LRRK2: variants seen among roughly 807,000 people sequenced by gnomAD.
LRRK2 encodes leucine rich repeat kinase 2, also known as leucine-rich repeat serine/threonine-protein kinase 2.
A neutral mutation model predicts 302.6 loss-of-function variants in LRRK2; 203 were observed. That is an observed-to-expected ratio of 0.67 (90% CI 0.60 to 0.75). The LOEUF (loss-of-function observed/expected upper bound fraction) is 0.75, where lower values mean the gene tolerates loss of function less well. Among genes scored for constraint, LRRK2 ranks in the 30% least tolerant of loss-of-function variants. The probability of loss-of-function intolerance (pLI) is 0.00; values close to 1 mark genes in which losing one functional copy is unlikely to be tolerated. For synonymous variants in LRRK2, 1,066 were observed against 1,031.9 expected (o/e 1.03, Z -0.63); for missense variants, 2,830 against 2,951.0 (o/e 0.96, Z 0.95).
rs963545887 is a variant in LRRK2 at position 40,321,072 on chromosome 12, G to A, written c.5054G>A (p.Cys1685Tyr). The A allele has an allele frequency of 5.0e-6, 8 of 1,612,872 alleles. No homozygotes were observed. The highest frequency in any genetic ancestry group is 6.8e-6 in the Non-Finnish European group (8 of 1,179,056). Residue 1685 changes from cysteine (C) to tyrosine (Y), a missense_variant, in exon 35 of 51, where the codon TGT becomes TAT. By Grantham distance (194) the Cys-to-Tyr change is radical. This residue lies in a region of LRRK2 where 2,121 missense variants were observed against 2,148.0 expected (regional missense o/e 0.99). Transcript: ENST00000298910. Reference protein sequence around the residue: ...DHRPVIELPHCENSEIIIRLY... With the variant: ...DHRPVIELPHYENSEIIIRLY... ...AGGCCTGTGATAGAGCTTCCCCATTGTGAGAACTCTGAAATTATCATCCGA... is the reference window on the plus strand; with the variant it reads ...AGGCCTGTGATAGAGCTTCCCCATTATGAGAACTCTGAAATTATCATCCGA...
intron 10 of LRRK2, 43 bp downstream of exon 10, chr12:40,251,587 T>C: frequency 6.8e-7 from 1 of 1,473,594 alleles, no homozygotes; most frequent in South Asian, 1.2e-5. Flanking sequence ...TTCAGTTATA[T>C]TTTAAATCAA....
intron 18 of LRRK2, among the ~76,000 whole-genome samples, chr12:40,282,171 C>T (rs1943739914): frequency 7.4e-6 from 1 of 134,848 alleles, no homozygotes. Flanking sequence ...CCTTCCCCTT[C>T]CTCTTCCCCT....
chr12:40,225,764 A>G, intron 2 of LRRK2, 124 bp downstream of exon 2: 1 of 781,534 alleles, frequency 1.3e-6, no homozygotes, highest in Middle Eastern at 2.2e-4. Context: ...GGAACCTCTG[A>G]CTGTGATTTT....
chr12:40,225,160 A>G lies in LRRK2; in HGVS notation c.29A>G (p.Glu10Gly). MASGSCQGC[E>G]EDEETLKKLI... ...GCTAGTGGCAGCTGTCAGGGGTGCGAAGAGGACGAGGAAACTCTGAAGAAG... is the reference window on the plus strand; with the variant it reads ...GCTAGTGGCAGCTGTCAGGGGTGCGGAGAGGACGAGGAAACTCTGAAGAAG... Residue 10 changes from glutamate (E) to glycine (G), a missense_variant, in exon 1 of 51, where the codon GAA becomes GGA. This residue lies in a region of LRRK2 where 2,121 missense variants were observed against 2,148.0 expected (regional missense o/e 0.99). Transcript: ENST00000298910. The G allele has an allele frequency of 6.2e-7, 1 of 1,614,072 alleles. No homozygotes were observed. Among genetic ancestry groups the G allele is most frequent in the Non-Finnish European group, 8.5e-7 (1 of 1,180,014 alleles).
Position 40,274,470 on chromosome 12 carries a change from A to G in LRRK2, c.1657-113A>G. On this transcript the variant is annotated intron_variant, in intron 14 of 50. Transcript: ENST00000298910. ...AATGTTATAGAAAACAAAATCAAGG[A>G]TACTGATTTATATTTGGATTACTTG... is the stretch of plus-strand genomic sequence containing the variant. 6 of 1,091,076 alleles carry G rather than the reference A, an allele frequency of 5.5e-6. No homozygotes were observed. The East Asian group carries it at 1.4e-4, about 26-fold the overall frequency. The allele number at this position is 1,091,076 out of a possible 1,614,324, so 67.6% of individuals were successfully genotyped here. A position where few individuals can be genotyped will look rare whatever the true frequency, so the allele number is the denominator to read the frequency against.
chr12:40,287,850 A>G (rs959567275), intron 20 of LRRK2, among the ~76,000 whole-genome samples: 1 of 151,848 alleles, frequency 6.6e-6, no homozygotes, highest in Non-Finnish European at 1.5e-5. Flanking sequence ...AAGCCCCTTA[A>G]CCTTGTTAAA....
At chr12:40,232,457 A>G in intron 3 of LRRK2, 74 bp downstream of exon 3, 3 of 1,068,890 alleles carry the variant, frequency 2.8e-6, no homozygotes, top group Non-Finnish European at 4.4e-6. Flanking sequence ...CCCTTGATAC[A>G]CTGTGTTTGC....
chr12:40,312,263 A>T (rs1262026051), intron 31 of LRRK2, among the ~76,000 whole-genome samples: 1 of 152,190 alleles, frequency 6.6e-6, no homozygotes, highest in Non-Finnish European at 1.5e-5. Flanking sequence ...ACAAGGAAAT[A>T]AAACAAATGC....
At chr12:40,333,697 A>C (rs2136933306) in intron 39 of LRRK2, among the ~76,000 whole-genome samples, 1 of 147,402 alleles carries the variant, frequency 6.8e-6, no homozygotes, top group South Asian at 2.3e-4. Context: ...AATTGCAGAG[A>C]GATTGTTGCA....
chr12:40,326,465 C>CAAAAAAAAAAAG (rs1376046761), intron 38 of LRRK2, among the ~76,000 whole-genome samples: 3 of 60,658 alleles, frequency 4.9e-5, no homozygotes, highest in Non-Finnish European at 6.5e-5. Context: ...GACTCTGTCT[C>CAAAAAAAAAAAG]AAAAAAAAAA....
At chr12:40,365,143 T>C in intron 49 of LRRK2, 93 bp downstream of exon 49, 1 of 1,177,164 alleles carries the variant, frequency 8.5e-7, no homozygotes, top group Non-Finnish European at 1.2e-6. Flanking sequence ...AACTTTCCAG[T>C]GTCATATGGA....
At chr12:40,292,830 T>C (rs1369861789) in intron 20 of LRRK2, among the ~76,000 whole-genome samples, 1 of 152,004 alleles carries the variant, frequency 6.6e-6, no homozygotes, top group Non-Finnish European at 1.5e-5. Flanking sequence ...TTTATTGATC[T>C]TTGTTTTCTT....
At chr12:40,301,166 T>C (rs981953488) in intron 25 of LRRK2, 1 of 454,658 alleles carries the variant, frequency 2.2e-6, no homozygotes, top group Admixed American at 2.4e-5. Context: ...GAAGTGGTCT[T>C]ACATTTGAGA....
intron 19 of LRRK2, among the ~76,000 whole-genome samples, chr12:40,285,155 C>A (rs1214604518): frequency 6.6e-6 from 1 of 152,114 alleles, no homozygotes; most frequent in Non-Finnish European, 1.5e-5. Context: ...CTTCACCTGG[C>A]TGTCTCTTCA....
At chr12:40,330,330 A>C (rs1275795070) in intron 39 of LRRK2, among the ~76,000 whole-genome samples, 1 of 152,170 alleles carries the variant, frequency 6.6e-6, no homozygotes, top group Non-Finnish European at 1.5e-5. Context: ...AATTTTCTTC[A>C]AAATTTGAAG....
chr12:40,310,839 G>C (rs1278038624), intron 31 of LRRK2, among the ~76,000 whole-genome samples, 190 bp downstream of exon 31: 2 of 151,860 alleles, frequency 1.3e-5, no homozygotes, highest in African/African-American at 4.8e-5. Flanking sequence ...CATAGAAATG[G>C]GAACAAAAAA....
At chr12:40,249,750 G>T in intron 7 of LRRK2, 76 bp from the exon 8 acceptor site, 2 of 1,488,022 alleles carry the variant, frequency 1.3e-6, no homozygotes, top group Non-Finnish European at 1.9e-6. Flanking sequence ...AATTATTGAT[G>T]TAAATAGTGT....
rs757606705 is a variant in LRRK2 at position 40,308,606 on chromosome 12, G to T, written c.4099G>T (p.Ala1367Ser). The T allele has an allele frequency of 6.2e-7, 1 of 1,613,910 alleles. No individual in the cohort carries two copies. Among genetic ancestry groups the T allele is most frequent in the Non-Finnish European group, 8.5e-7 (1 of 1,179,968 alleles). Reference sequence around the variant, plus strand: ...GAAATCAGATCTTGGAATGCAAAGTGCCACAGTTGGCATAGATGTGAAAGA... The same window carrying T: ...GAAATCAGATCTTGGAATGCAAAGTTCCACAGTTGGCATAGATGTGAAAGA... Reference protein sequence around the residue: ...TKKSDLGMQSATVGIDVKDWP... With the variant: ...TKKSDLGMQSSTVGIDVKDWP... Residue 1367 changes from alanine to serine, a missense_variant, in exon 29 of 51, where the codon GCC (alanine) becomes TCC (serine). Around this residue, in one of 3 missense-constraint regions of LRRK2, gnomAD observed 2,121 missense variants for 2,148.0 expected, o/e 0.99. Transcript: ENST00000298910.
At chr12:40,307,544 T>C (rs1463883606) in intron 28 of LRRK2, among the ~76,000 whole-genome samples, 2 of 151,964 alleles carry the variant, frequency 1.3e-5, no homozygotes, top group Admixed American at 1.3e-4. Flanking sequence ...TTTATGATGT[T>C]ATGTGATCTC....
Sources: allele counts gnomAD v4.1 joint callset (sites outside exome capture counted in the v4.1 genomes callset), GRCh38; gene constraint gnomAD v4.1.1; regional missense constraint gnomAD v4.1.1; transcripts MANE v1.5; gene names NCBI Gene and HGNC (gene_info 2026-07-23, HGNC 2026-07-21).